PNMA2: variants seen among roughly 807,000 people sequenced by gnomAD.
The protein encoded by PNMA2 is PNMA family member 2.
For missense variants in PNMA2, 455 were observed against 452.9 expected (o/e 1.00, Z -0.04); for synonymous variants, 175 against 183.5 (o/e 0.95, Z 0.38).
In PNMA2 at chr8:26,508,177, T is replaced by C. The variant is rs199598466; in HGVS notation, c.579A>G (p.Lys193=). 1 of 1,614,010 alleles carries C rather than the reference T, an allele frequency of 6.2e-7. No individual in the cohort carries two copies. The highest frequency in any genetic ancestry group is 8.5e-7 in the Non-Finnish European group (1 of 1,179,996). ...VWLEQATEIV[K]EWPVTEAEKK... is the part of the protein sequence containing the mutation. ...TTTCTGCCTCTGTTACTGGCCACTC[T>C]TTGACTATCTCCGTGGCCTGTTCCA... The change falls in exon 3 of 3, where the codon AAA becomes AAG. Residue 193 remains lysine (K), a synonymous_variant. Transcript: ENST00000522362. This position sits in a 1 kb window ranked among gnomAD's most constrained non-coding sequence, Gnocchi z 5.5.
intron 1 of PNMA2, among the ~76,000 whole-genome samples, chr8:26,510,639 G>T (rs959255057): frequency 6.6e-6 from 1 of 151,964 alleles, no homozygotes; most frequent in Non-Finnish European, 1.5e-5. Context: ...GTGTAGAGAC[G>T]CAGTCTCCTT....
chr8:26,506,597 AACAACAACAACAATG>A lies in PNMA2; in HGVS notation c.*1049_*1063del, dbSNP rs1448400200. On this transcript the variant is annotated 3_prime_UTR_variant, in exon 3 of 3. Coordinates refer to ENST00000522362, the MANE Select transcript of PNMA2 (RefSeq NM_007257.6). The surrounding 1 kb of genome is among the most constrained non-coding windows in gnomAD (Gnocchi z 4.4). ...GCAGGAAGAACACTTCCCAGGTTAA[AACAACAACAACAATG>A]ACAACAACAACAACAAAAATCTGCA... 6.6e-6 allele frequency: 1 copy of A among 152,428 alleles called. No homozygotes were observed. Among genetic ancestry groups the A allele is most frequent in the East Asian group, 1.9e-4 (1 of 5,186 alleles). The allele number at this position is 152,428 out of a possible 1,614,324, so 9.4% of individuals were successfully genotyped here.
chr8:26,510,758 A>G (rs1441781658), intron 1 of PNMA2, among the ~76,000 whole-genome samples: 1 of 152,178 alleles, frequency 6.6e-6, no homozygotes, highest in Non-Finnish European at 1.5e-5. Flanking sequence ...CTTTCCTAAC[A>G]TTTGAACTTT....
intron 1 of PNMA2, among the ~76,000 whole-genome samples, chr8:26,513,308 T>C (rs1304271947): frequency 2.0e-5 from 3 of 151,758 alleles, no homozygotes; most frequent in Non-Finnish European, 4.4e-5. Flanking sequence ...TACACCCCCA[T>C]AGACCGCAGA....
chr8:26,507,399 A>G lies in PNMA2; in HGVS notation c.*262T>C, dbSNP rs748566485. ...TGCAGTGAGCCGAGATTTTTGTGCC[A>G]CTGCACTCTAGCCTGGGTGATGAGA... is the stretch of plus-strand genomic sequence containing the variant. On this transcript the variant is annotated 3_prime_UTR_variant, in exon 3 of 3. Transcript: ENST00000522362. The G allele has an allele frequency of 3.1e-6, 1 of 319,956 alleles. No homozygotes were observed. Among genetic ancestry groups the G allele is most frequent in the Non-Finnish European group, 5.6e-6 (1 of 177,782 alleles). 19.8% of individuals were successfully genotyped at this position (319,956 alleles called of 1,614,324 possible). A position where few individuals can be genotyped will look rare whatever the true frequency, so the allele number is the denominator to read the frequency against.
Position 26,507,211 on chromosome 8 carries a change from T to C in PNMA2, c.*450A>G, listed in dbSNP as rs1158084272. ...TGGGAGGCCGAGTTGGGCACATCAT[T>C]TGAGCCTAGGGGTTCCAGACCAGCC... On this transcript the variant is annotated 3_prime_UTR_variant, in exon 3 of 3. Coordinates refer to ENST00000522362, the MANE Select transcript of PNMA2 (RefSeq NM_007257.6). 6.5e-6 allele frequency: 1 copy of C among 152,726 alleles called. No individual in the cohort carries two copies. Among genetic ancestry groups the C allele is most frequent in the Non-Finnish European group, 1.5e-5 (1 of 68,436 alleles). The allele number at this position is 152,726 out of a possible 1,614,324, so 9.5% of individuals were successfully genotyped here.
chr8:26,513,231 TAG>T, intron 1 of PNMA2, among the ~76,000 whole-genome samples: 1 of 148,194 alleles, frequency 6.7e-6, no homozygotes, highest in Non-Finnish European at 1.5e-5. Context: ...CCTTGCGCAA[TAG>T]AGTCGGTCTG....
Position 26,507,946 on chromosome 8 carries a change from T to C in PNMA2, c.810A>G (p.Leu270=). ...CTCTCCGGAGCAGGGTTTCTAGCCG[T>C]AACACATAGGCTGAGACCTTCTCTC... ...EEGEKVSAYV[L]RLETLLRRAV... Residue 270 remains leucine (L), a synonymous_variant, in exon 3 of 3, where the codon TTA becomes TTG. Transcript: ENST00000522362. 9.3e-6 allele frequency: 15 copies of C among 1,614,134 alleles called. No homozygotes were observed. Among genetic ancestry groups the C allele is most frequent in the Non-Finnish European group, 1.3e-5 (15 of 1,180,028 alleles).
chr8:26,510,765 C>T (rs556913436), intron 1 of PNMA2, among the ~76,000 whole-genome samples: 25 of 152,188 alleles, frequency 1.6e-4, no homozygotes, highest in Non-Finnish European at 1.3e-4. Flanking sequence ...AACATTTGAA[C>T]TTTAACCCAT....
rs1384166616 is a variant in PNMA2 at position 26,504,884 on chromosome 8, C to T, written c.*2777G>A. ...AATAGAATTTAGAAAGATAAATGATCACAAGTGATACCTTTTAAAAAATGC... is the reference window on the plus strand; with the variant it reads ...AATAGAATTTAGAAAGATAAATGATTACAAGTGATACCTTTTAAAAAATGC... On this transcript the variant is annotated 3_prime_UTR_variant, in exon 3 of 3. Coordinates refer to ENST00000522362, the MANE Select transcript of PNMA2 (RefSeq NM_007257.6). 1 of 152,442 alleles carries T rather than the reference C, an allele frequency of 6.6e-6. No individual in the cohort carries two copies. The highest frequency in any genetic ancestry group is 1.5e-5 in the Non-Finnish European group (1 of 68,026). The allele number at this position is 152,442 out of a possible 1,614,324, so 9.4% of individuals were successfully genotyped here.
At position 26,509,585 on chromosome 8, in the gene PNMA2, G is replaced by A. The variant is rs1369711932; in HGVS notation, c.-526C>T. Reference sequence around the variant, plus strand: ...TCCCGAGTGTTCCGCGAGAGGTGAGGAGCTTATTTATTCACCTTTTAGCAC... The same window carrying A: ...TCCCGAGTGTTCCGCGAGAGGTGAGAAGCTTATTTATTCACCTTTTAGCAC... On this transcript the variant is annotated 5_prime_UTR_variant, in exon 2 of 3. Transcript: ENST00000522362. The surrounding 1 kb of genome is among the most constrained non-coding windows in gnomAD (Gnocchi z 5.7). 2 of 152,168 alleles carry A rather than the reference G, an allele frequency of 1.3e-5. No homozygotes were observed. The highest frequency in any genetic ancestry group is 2.4e-5 in the African/African-American group (1 of 41,430). 9.4% of individuals were successfully genotyped at this position (152,168 alleles called of 1,614,324 possible).
Position 26,508,789 on chromosome 8 carries a change from G to T in PNMA2, c.-34C>A. ...GAATTGACCCACTCTGACTCTACAG[G>T]CACCAATTTGTTAGTGGTGCAGCTA... On this transcript the variant is annotated 5_prime_UTR_variant, in exon 3 of 3. Transcript: ENST00000522362. The surrounding 1 kb of genome is among the most constrained non-coding windows in gnomAD (Gnocchi z 5.5). 6.4e-7 allele frequency: 1 copy of T among 1,571,128 alleles called. No homozygotes were observed. Among genetic ancestry groups the T allele is most frequent in the Non-Finnish European group, 8.6e-7 (1 of 1,161,356 alleles).
At position 26,505,187 on chromosome 8, in the gene PNMA2, A is replaced by T. The variant is rs1403159734; in HGVS notation, c.*2474T>A. The T allele has an allele frequency of 6.5e-6, 1 of 153,034 alleles. No individual in the cohort carries two copies. Among genetic ancestry groups the T allele is most frequent in the Non-Finnish European group, 1.5e-5 (1 of 68,262 alleles). The allele number at this position is 153,034 out of a possible 1,614,324, so 9.5% of individuals were successfully genotyped here. A position where few individuals can be genotyped will look rare whatever the true frequency, so the allele number is the denominator to read the frequency against. ...ATTGAGCAGACAGGAACATCGTGAAAATCCTAAGAGCTTCAATGTATTGAG... is the reference window on the plus strand; with the variant it reads ...ATTGAGCAGACAGGAACATCGTGAATATCCTAAGAGCTTCAATGTATTGAG... On this transcript the variant is annotated 3_prime_UTR_variant, in exon 3 of 3. Coordinates refer to ENST00000522362, the MANE Select transcript of PNMA2 (RefSeq NM_007257.6).
At position 26,506,497 on chromosome 8, in the gene PNMA2, G is replaced by A. The variant is rs1808046560; in HGVS notation, c.*1164C>T. On this transcript the variant is annotated 3_prime_UTR_variant, in exon 3 of 3. Transcript: ENST00000522362. This position sits in a 1 kb window ranked among gnomAD's most constrained non-coding sequence, Gnocchi z 4.4. ...TGGACCTCTGGAAAGTAAAGCTTAG[G>A]TTGAGTCATCTGTGTCTTCAGGGCC... 1 of 152,192 alleles carries A rather than the reference G, an allele frequency of 6.6e-6. No homozygotes were observed. 9.4% of individuals were successfully genotyped at this position (152,192 alleles called of 1,614,324 possible).
rs1035055138 is a variant in PNMA2, at chr8:26,505,699, A to G, written c.*1962T>C. 1 of 152,260 alleles carries G rather than the reference A, an allele frequency of 6.6e-6. No homozygotes were observed. The allele number at this position is 152,260 out of a possible 1,614,324, so 9.4% of individuals were successfully genotyped here. A position where few individuals can be genotyped will look rare whatever the true frequency, so the allele number is the denominator to read the frequency against. ...ATCTAGCTGCATTTACTAGAGACTT[A>G]AAGAGTTTAGCCCAGGCATGGTGGC... On this transcript the variant is annotated 3_prime_UTR_variant, in exon 3 of 3. Coordinates refer to ENST00000522362, the MANE Select transcript of PNMA2 (RefSeq NM_007257.6).
rs78548714 is a variant in PNMA2 at position 26,507,909 on chromosome 8, G to A, written c.847C>T (p.Arg283Cys). The change falls in exon 3 of 3, where the codon CGC becomes TGC. Residue 283 changes from arginine (R) to cysteine (C), a missense_variant. Arg to Cys is a radical substitution (Grantham distance 180, BLOSUM62 -3). Coordinates refer to ENST00000522362, the MANE Select transcript of PNMA2 (RefSeq NM_007257.6). ...TCCGCAATACGCCGAGGGATGGCGCGTTTCTCCACCGCTCTCCGGAGCAGG... is the reference window on the plus strand; with the variant it reads ...TCCGCAATACGCCGAGGGATGGCGCATTTCTCCACCGCTCTCCGGAGCAGG... ...ETLLRRAVEKRAIPRRIADQV... is the reference protein window; with the variant it reads ...ETLLRRAVEKCAIPRRIADQV... The A allele has an allele frequency of 2.1e-3, 3,432 of 1,614,130 alleles. 82 individuals are homozygous for A. In the South Asian group the frequency reaches 0.032, roughly 15 times the overall value.
chr8:26,510,651 C>T (rs1437389002), intron 1 of PNMA2, among the ~76,000 whole-genome samples: 1 of 152,106 alleles, frequency 6.6e-6, no homozygotes, highest in South Asian at 2.1e-4. Flanking sequence ...AGTCTCCTTA[C>T]GTTGTTCAGC....
chr8:26,510,007 T>G (rs1808120817), intron 1 of PNMA2, among the ~76,000 whole-genome samples: 1 of 152,226 alleles, frequency 6.6e-6, no homozygotes, highest in Admixed American at 6.5e-5. Context: ...TGAAATAGTT[T>G]GAAGGTTTGT....
Position 26,507,483 on chromosome 8 carries a change from G to C in PNMA2, c.*178C>G, listed in dbSNP as rs1021815425. ...AGAAAAAAGGAAGGAAGGAAGGAAAGAGAGGAGAGGAGAGGAGAGAGGAGG... is the reference window on the plus strand; with the variant it reads ...AGAAAAAAGGAAGGAAGGAAGGAAACAGAGGAGAGGAGAGGAGAGAGGAGG... On this transcript the variant is annotated 3_prime_UTR_variant, in exon 3 of 3. Coordinates refer to ENST00000522362, the MANE Select transcript of PNMA2 (RefSeq NM_007257.6). The C allele has an allele frequency of 1.6e-5, 8 of 495,752 alleles. No individual in the cohort carries two copies. The highest frequency in any genetic ancestry group is 2.1e-5 in the Non-Finnish European group (6 of 288,614). 30.7% of individuals were successfully genotyped at this position (495,752 alleles called of 1,614,324 possible). A position where few individuals can be genotyped will look rare whatever the true frequency, so the allele number is the denominator to read the frequency against.
Sources: allele counts gnomAD v4.1 joint callset (sites outside exome capture counted in the v4.1 genomes callset), GRCh38; gene constraint gnomAD v4.1.1; non-coding constraint Gnocchi (gnomAD v3.1); transcripts MANE v1.5; gene names NCBI Gene and HGNC (gene_info 2026-07-23, HGNC 2026-07-21).